CFHR5: variants seen among roughly 807,000 people sequenced by gnomAD.
The protein encoded by CFHR5 is complement factor H related 5, also known as complement factor H-related protein 5.
Under a neutral mutation model 62.9 loss-of-function variants are expected in CFHR5, and 73 were observed. The ratio of observed to expected loss-of-function variants is 1.16; its 90% CI spans 0.96 to 1.41. The LOEUF (loss-of-function observed/expected upper bound fraction) is 1.41. Ranked by LOEUF, CFHR5 falls within the 40% of genes most tolerant of loss-of-function variation. The probability of loss-of-function intolerance (pLI) is 0.00; values close to 1 mark genes in which losing one functional copy is unlikely to be tolerated. For synonymous variants in CFHR5, 249 were observed against 227.2 expected, an observed-to-expected ratio of 1.10 and a Z score of -0.86; for missense variants, 779 against 679.9, an observed-to-expected ratio of 1.15 and a Z score of -1.62.
At chr1:196,976,868 G>A (rs535239290), upstream of CFHR5, among the ~76,000 whole-genome samples, 3 of 142,946 alleles carry the variant, frequency 2.1e-5, no homozygotes, top group South Asian at 2.2e-4. Context: ...GCAGTGGCGC[G>A]ATCTCCACTC....
chr1:196,986,131 G>C (rs1653674765), intron 3 of CFHR5, among the ~76,000 whole-genome samples: 1 of 152,104 alleles, frequency 6.6e-6, no homozygotes, highest in Non-Finnish European at 1.5e-5. Context: ...AGGTTGAATG[G>C]TAGCTCACGA....
At chr1:196,988,462 A>G (rs1333857391) in intron 3 of CFHR5, among the ~76,000 whole-genome samples, 1 of 152,100 alleles carries the variant, frequency 6.6e-6, no homozygotes, top group Non-Finnish European at 1.5e-5. Context: ...TTCAAAGGGA[A>G]TGCTTCCAGT....
chr1:196,977,103 G>A (rs111728710), upstream of CFHR5, among the ~76,000 whole-genome samples: 51 of 151,856 alleles, frequency 3.4e-4, no homozygotes, highest in African/African-American at 1.2e-3. Context: ...CATTGCGCCC[G>A]GCCAGCAAAA....
At chr1:196,976,799 C>CTTTTTTTTTTTTTTTTTTTTTTTTTTT (rs10588279), upstream of CFHR5, among the ~76,000 whole-genome samples, 1 of 98,156 alleles carries the variant, frequency 1.0e-5, no homozygotes, top group African/African-American at 4.7e-5. Flanking sequence ...AAAAATTATT[C>CTTTTTTTTTTTTTTTTTTTTTTTTTTT]TTTTTTTTTT....
rs1263724278 is a variant in CFHR5 at position 196,994,113 on chromosome 1, A to G, written c.464A>G (p.Asn155Ser). Residue 155 changes from asparagine to serine, a missense_variant, in exon 4 of 10, where the codon AAT (asparagine) becomes AGT (serine). Asn to Ser is a conservative substitution (Grantham distance 46). Coordinates refer to ENST00000256785, the MANE Select transcript of CFHR5 (RefSeq NM_030787.4). ...TGTCATGTTCCAATTTTAGAAGCCA[A>G]TGTAGATGCTCAGCCAAAAAAAGAA... ...GECHVPILEANVDAQPKKESY... is the reference protein window; with the variant it reads ...GECHVPILEASVDAQPKKESY... 1.2e-6 allele frequency: 2 copies of G among 1,613,290 alleles called. No individual in the cohort carries two copies. Among genetic ancestry groups the G allele is most frequent in the African/African-American group, 2.7e-5 (2 of 74,862 alleles).
chr1:197,008,438 A>G, intron 9 of CFHR5, 49 bp from the exon 10 acceptor site: 1 of 1,148,924 alleles, frequency 8.7e-7, no homozygotes, highest in Non-Finnish European at 1.2e-6. Flanking sequence ...TATGAAAGGT[A>G]AAGATGTATT....
chr1:196,999,797 G>GTA (rs1163817388), intron 7 of CFHR5, among the ~76,000 whole-genome samples: 15 of 141,444 alleles, frequency 1.1e-4, no homozygotes, highest in African/African-American at 3.2e-4. Flanking sequence ...ATATATGTGT[G>GTA]TATATATATG....
chr1:196,995,454 T>C (rs1337601561), intron 4 of CFHR5, among the ~76,000 whole-genome samples: 1 of 152,150 alleles, frequency 6.6e-6, no homozygotes, highest in East Asian at 1.9e-4. Flanking sequence ...GTGTAACATT[T>C]TTATATCTAG....
intron 3 of CFHR5, among the ~76,000 whole-genome samples, chr1:196,990,299 A>G (rs370994748): frequency 8.6e-5 from 13 of 151,874 alleles, no homozygotes; most frequent in East Asian, 3.9e-4. Context: ...AATACAGCAC[A>G]CTGATGGGTC....
At chr1:196,985,701 G>T (rs1653667529) in intron 3 of CFHR5, among the ~76,000 whole-genome samples, 1 of 152,146 alleles carries the variant, frequency 6.6e-6, no homozygotes, top group African/African-American at 2.4e-5. Flanking sequence ...GACAAATTAA[G>T]TTTGGCCAGC....
intron 8 of CFHR5, 96 bp downstream of exon 8, chr1:197,002,760 G>T (rs1654188200): frequency 9.9e-7 from 1 of 1,013,972 alleles, no homozygotes; most frequent in South Asian, 1.4e-5. Context: ...TGACTAATCT[G>T]TTGCACTGTA....
intron 3 of CFHR5, among the ~76,000 whole-genome samples, chr1:196,987,453 T>C (rs554332441): frequency 6.6e-6 from 1 of 152,334 alleles, no homozygotes; most frequent in South Asian, 2.1e-4. Context: ...TTGTCCTGAA[T>C]GCTAAGGCCT....
intron 9 of CFHR5, among the ~76,000 whole-genome samples, chr1:197,007,086 C>A (rs550336682): frequency 8.6e-5 from 13 of 151,928 alleles, no homozygotes; most frequent in African/African-American, 3.1e-4. Context: ...CCACCCGCCT[C>A]GGCCTCCCAA....
intron 7 of CFHR5, 136 bp from the exon 8 acceptor site, chr1:197,002,344 GGA>G: frequency 3.2e-6 from 2 of 624,930 alleles, no homozygotes; most frequent in Non-Finnish European, 5.7e-6. Flanking sequence ...TTATATATAG[GGA>G]GAGAGAAAGA....
Position 197,009,520 on chromosome 1 carries a change from C to T in CFHR5, c.*837C>T, listed in dbSNP as rs993128688. The T allele has an allele frequency of 3.9e-5, 6 of 152,118 alleles. No individual in the cohort carries two copies. The highest frequency in any genetic ancestry group is 1.4e-4 in the African/African-American group (6 of 41,422). 9.4% of individuals were successfully genotyped at this position (152,118 alleles called of 1,614,324 possible). A position where few individuals can be genotyped will look rare whatever the true frequency, so the allele number is the denominator to read the frequency against. ...ATGTAGATGTTATTTTAGTCTCTAT[C>T]TTCATGTTATTATCACTTAAAAACC... On this transcript the variant is annotated 3_prime_UTR_variant, in exon 10 of 10. Transcript: ENST00000256785.
chr1:197,006,049 G>A (rs144226432), intron 9 of CFHR5, among the ~76,000 whole-genome samples: 2,056 of 152,232 alleles, frequency 0.014, 46 homozygotes, highest in African/African-American at 0.045. Context: ...TTGATGGATA[G>A]ACAAAAATGC....
chr1:196,980,994 C>T (rs1448369655), intron 1 of CFHR5, among the ~76,000 whole-genome samples: 1 of 152,030 alleles, frequency 6.6e-6, no homozygotes, highest in African/African-American at 2.4e-5. Flanking sequence ...TCAGTATCTT[C>T]TCCAAAACTA....
Position 197,004,643 on chromosome 1 carries a change from A to G in CFHR5, c.1331-18A>G. 2 of 1,602,824 alleles carry G rather than the reference A, an allele frequency of 1.2e-6. No individual in the cohort carries two copies. The highest frequency in any genetic ancestry group is 1.7e-6 in the Non-Finnish European group (2 of 1,169,760). On this transcript the variant is annotated intron_variant, in intron 8 of 9. Transcript: ENST00000256785. Reference sequence around the variant, plus strand: ...TTAAACTAACATAATGTCTCAACAAATAAATGCTGTTTTCCAGAGTCTACT... The same window carrying G: ...TTAAACTAACATAATGTCTCAACAAGTAAATGCTGTTTTCCAGAGTCTACT...
intron 3 of CFHR5, among the ~76,000 whole-genome samples, chr1:196,988,525 T>C (rs892565279): frequency 6.6e-6 from 1 of 152,166 alleles, no homozygotes; most frequent in African/African-American, 2.4e-5. Flanking sequence ...GTAGCTCTTA[T>C]TATTTTGCCA....
Sources: gnomAD v4.1 joint callset for allele counts (sites outside exome capture counted in the v4.1 genomes callset) on GRCh38, gnomAD v4.1.1 for gene constraint, MANE v1.5 for transcripts, NCBI Gene and HGNC (gene_info 2026-07-23, HGNC 2026-07-21) for gene names.